CLIC4: variants seen among roughly 807,000 people sequenced by gnomAD.
The protein encoded by CLIC4 is chloride intracellular channel protein 4.
CLIC4 carries 13 observed loss-of-function variants against 24.6 expected under a neutral mutation model. The observed-to-expected ratio is 0.53, with a 90% CI of 0.34 to 0.84. The LOEUF (loss-of-function observed/expected upper bound fraction) is 0.84, where lower values mean the gene tolerates loss of function less well. CLIC4 is among the 40% of genes least tolerant of loss of function. CLIC4 has a pLI of 0.01. For missense variants in CLIC4, 227 were observed against 301.7 expected (o/e 0.75, Z 1.83); for synonymous variants, 104 against 111.3 (o/e 0.93, Z 0.41).
At chr1:24,813,214 T>C (rs1639632917) in intron 2 of CLIC4, among the ~76,000 whole-genome samples, 2 of 151,858 alleles carry the variant, frequency 1.3e-5, no homozygotes, top group Admixed American at 1.3e-4. Context: ...CAATTAACTT[T>C]TGTATTTTTA....
At position 24,840,962 on chromosome 1, in the gene CLIC4, T is replaced by A; in HGVS notation, c.*25T>A. 6.4e-7 allele frequency: 1 copy of A among 1,571,790 alleles called. No individual in the cohort carries two copies. Among genetic ancestry groups the A allele is most frequent in the Non-Finnish European group, 8.6e-7 (1 of 1,157,080 alleles). Reference sequence around the variant, plus strand: ...AAATCGCGTTTGTAAAAGAGATGTCTTCATGTCTTCCCCTAAGAATACGCT... The same window carrying A: ...AAATCGCGTTTGTAAAAGAGATGTCATCATGTCTTCCCCTAAGAATACGCT... On this transcript the variant is annotated 3_prime_UTR_variant, in exon 6 of 6. Coordinates refer to ENST00000374379, the MANE Select transcript of CLIC4 (RefSeq NM_013943.3).
intron 1 of CLIC4, among the ~76,000 whole-genome samples, chr1:24,769,277 G>T (rs1238715226): frequency 6.6e-6 from 1 of 152,208 alleles, no homozygotes; most frequent in Non-Finnish European, 1.5e-5. Flanking sequence ...TGATCAGTAA[G>T]TTTTTGTTTC....
chr1:24,790,763 C>T (rs978872216), intron 1 of CLIC4, among the ~76,000 whole-genome samples: 1 of 152,126 alleles, frequency 6.6e-6, no homozygotes, highest in African/African-American at 2.4e-5. Context: ...CCATCTCTGA[C>T]AGTATTCTGG....
intron 1 of CLIC4, among the ~76,000 whole-genome samples, chr1:24,747,257 C>A (rs990702131): frequency 1.3e-5 from 2 of 150,674 alleles, no homozygotes; most frequent in Admixed American, 6.6e-5. Context: ...GGAAGGAGGC[C>A]GGGCGCGGTG....
intron 1 of CLIC4, among the ~76,000 whole-genome samples, chr1:24,787,837 G>T (rs1571243419): frequency 1.4e-5 from 2 of 147,180 alleles, no homozygotes; most frequent in East Asian, 4.0e-4. Flanking sequence ...GAGTCACCGT[G>T]CCCGGCCATT....
chr1:24,767,044 A>AG (rs1557797336), intron 1 of CLIC4, among the ~76,000 whole-genome samples: 2 of 141,694 alleles, frequency 1.4e-5, no homozygotes, highest in Middle Eastern at 3.6e-3. Flanking sequence ...AAAAAAAAAA[A>AG]AAAAGAAAAA....
intron 1 of CLIC4, among the ~76,000 whole-genome samples, chr1:24,755,478 G>A (rs1235989944): frequency 6.6e-6 from 1 of 151,480 alleles, no homozygotes; most frequent in African/African-American, 2.4e-5. Flanking sequence ...GGTGGTGGTG[G>A]TGAGTGCCTC....
intron 2 of CLIC4, among the ~76,000 whole-genome samples, chr1:24,805,156 A>T (rs1369134397): frequency 1.3e-5 from 2 of 151,102 alleles, no homozygotes; most frequent in Non-Finnish European, 2.9e-5. Flanking sequence ...AAATCTTTTC[A>T]TGGGTACTAT....
At chr1:24,789,596 A>T (rs559586855) in intron 1 of CLIC4, among the ~76,000 whole-genome samples, 8 of 152,298 alleles carry the variant, frequency 5.3e-5, no homozygotes, top group Non-Finnish European at 1.0e-4. Flanking sequence ...TCTGTTGTTT[A>T]GACTAGGTAA....
At chr1:24,763,184 G>A (rs1391910674) in intron 1 of CLIC4, among the ~76,000 whole-genome samples, 1 of 152,048 alleles carries the variant, frequency 6.6e-6, no homozygotes, top group African/African-American at 2.4e-5. Context: ...GCTAAGACAG[G>A]TTCTTCCTTT....
rs947243254 is a variant in CLIC4, at chr1:24,826,904, A to C, written c.309-106A>C. ...AACAAATGATGGTATTTCTTATAGT[A>C]ATAACTATTAAAAGACGTCTAGTAA... On this transcript the variant is annotated intron_variant, in intron 3 of 5. Coordinates refer to ENST00000374379, the MANE Select transcript of CLIC4 (RefSeq NM_013943.3). 2.1e-5 allele frequency: 14 copies of C among 682,498 alleles called. No individual in the cohort carries two copies. The African/African-American group carries it at 2.4e-4, about 11-fold the overall frequency. 42.3% of individuals were successfully genotyped at this position (682,498 alleles called of 1,614,324 possible).
chr1:24,824,939 T>C (rs1639771677), intron 3 of CLIC4, among the ~76,000 whole-genome samples: 1 of 150,656 alleles, frequency 6.6e-6, no homozygotes, highest in South Asian at 2.1e-4. Flanking sequence ...AGGTTGAGGC[T>C]GCAGTGAGCA....
intron 4 of CLIC4, among the ~76,000 whole-genome samples, chr1:24,830,073 C>T (rs977973458): frequency 4.6e-5 from 7 of 151,954 alleles, no homozygotes; most frequent in Admixed American, 1.3e-4. Flanking sequence ...TTTCAATAAC[C>T]GAAGTGCTCT....
At chr1:24,807,257 C>A (rs376196641) in intron 2 of CLIC4, among the ~76,000 whole-genome samples, 1 of 151,086 alleles carries the variant, frequency 6.6e-6, no homozygotes, top group African/African-American at 2.4e-5. Flanking sequence ...ATGCCCTACC[C>A]GACCTACCCC....
rs568564676 is a variant in CLIC4 at position 24,785,584 on chromosome 1, C to T, written c.73-12158C>T. Among the ~76,000 whole-genome samples the T allele has an allele frequency of 9.2e-5, 14 of 152,162 alleles. No individual in the cohort carries two copies. The East Asian group carries it at 2.3e-3, about 25-fold the overall frequency. Reference sequence around the variant, plus strand: ...TTCTGAAGAAATAGGCTGGGCGCGGCGGCTCACGCCTGTAGTCCCAGCACT... The same window carrying T: ...TTCTGAAGAAATAGGCTGGGCGCGGTGGCTCACGCCTGTAGTCCCAGCACT... On this transcript the variant is annotated intron_variant, in intron 1 of 5. Transcript: ENST00000374379.
Position 24,748,016 on chromosome 1 carries a change from C to T in CLIC4, c.72+2391C>T, listed in dbSNP as rs1405859126. The stretch of plus-strand genomic sequence containing the variant: ...CTCCAGCCTGGGCGACAGAGTGAGA[C>T]TTCGTCTCAAAAAAAAAAAAAAAAA... On this transcript the variant is annotated intron_variant, in intron 1 of 5. Coordinates refer to ENST00000374379, the MANE Select transcript of CLIC4 (RefSeq NM_013943.3). Among the ~76,000 whole-genome samples the T allele has an allele frequency of 2.4e-5, 3 of 122,572 alleles. No individual in the cohort carries two copies. The East Asian group carries it at 6.6e-4, about 27-fold the overall frequency. The allele number at this position is 122,572 out of a possible 152,430, so 80.4% of individuals were successfully genotyped here.
At chr1:24,814,676 G>A (rs759484706) in intron 3 of CLIC4, among the ~76,000 whole-genome samples, 17 of 152,196 alleles carry the variant, frequency 1.1e-4, no homozygotes, top group African/African-American at 3.6e-4. Flanking sequence ...TGACTTTTCC[G>A]ACTGTGTCCC....
intron 1 of CLIC4, among the ~76,000 whole-genome samples, chr1:24,774,319 TAAA>T (rs556379153): frequency 6.6e-6 from 1 of 152,160 alleles, no homozygotes; most frequent in Non-Finnish European, 1.5e-5. Flanking sequence ...ATTAATATAA[TAAA>T]AACAAATTAG....
intron 3 of CLIC4, among the ~76,000 whole-genome samples, chr1:24,826,729 C>T (rs1194574462): frequency 6.6e-6 from 1 of 152,208 alleles, no homozygotes; most frequent in African/African-American, 2.4e-5. Flanking sequence ...AATCTCTGAA[C>T]AAGTCAACTG....
Sources: gnomAD v4.1 joint callset for allele counts (sites outside exome capture counted in the v4.1 genomes callset) on GRCh38, gnomAD v4.1.1 for gene constraint, MANE v1.5 for transcripts, NCBI Gene and HGNC (gene_info 2026-07-23, HGNC 2026-07-21) for gene names.